LINGO4: variants seen among roughly 807,000 people sequenced by gnomAD.
LINGO4 encodes leucine rich repeat and Ig domain containing 4, also known as leucine-rich repeat and immunoglobulin-like domain-containing nogo receptor-interacting protein 4.
A neutral mutation model predicts 27.9 loss-of-function variants in LINGO4; 22 were observed. The ratio of observed to expected loss-of-function variants is 0.79; its 90% CI spans 0.56 to 1.13. The LOEUF (loss-of-function observed/expected upper bound fraction) is 1.13, where lower values mean the gene tolerates loss of function less well. LINGO4 is among the 50% of genes most tolerant of loss of function. The pLI is 0.00. For missense variants in LINGO4, 706 were observed against 739.4 expected, an observed-to-expected ratio of 0.95 and a Z score of 0.52; for synonymous variants, 306 against 325.8, an observed-to-expected ratio of 0.94 and a Z score of 0.65.
At position 151,800,838 on chromosome 1, in the gene LINGO4, G is replaced by C; in HGVS notation, c.*85C>G. ...AGGAGAGCGGTGCTGCTCGGGACTAGGTTCTGGTTCAAGCAGCCTTGGTTC... is the reference window on the plus strand; with the variant it reads ...AGGAGAGCGGTGCTGCTCGGGACTACGTTCTGGTTCAAGCAGCCTTGGTTC... On this transcript the variant is annotated 3_prime_UTR_variant, in exon 2 of 2. Coordinates refer to ENST00000368820, the MANE Select transcript of LINGO4 (RefSeq NM_001004432.4). 6 of 1,295,462 alleles carry C rather than the reference G, an allele frequency of 4.6e-6. No homozygotes were observed. Among genetic ancestry groups the C allele is most frequent in the South Asian group, 1.4e-5 (1 of 70,702 alleles). 80.2% of individuals were successfully genotyped at this position (1,295,462 alleles called of 1,614,324 possible).
chr1:151,804,483 G>T (rs1651233068), intron 1 of LINGO4, among the ~76,000 whole-genome samples: 1 of 152,336 alleles, frequency 6.6e-6, no homozygotes, highest in Admixed American at 6.5e-5. Context: ...CCACCTGACA[G>T]CTAGCTCTTC....
At chr1:151,803,696 T>C (rs1365119279) in intron 1 of LINGO4, among the ~76,000 whole-genome samples, 2 of 152,040 alleles carry the variant, frequency 1.3e-5, no homozygotes, top group Non-Finnish European at 2.9e-5. Context: ...CCAGGGAGCA[T>C]AGATAAGTGA....
Position 151,801,563 on chromosome 1 carries a change from GA to G in LINGO4, c.1141del (p.Ser381ProfsTer16). ...ATGGGGGCCAGCACAGGCAGGGGGGGACATGCCAAAGTCCAGGTGGCGGCGG... is the reference window on the plus strand; with the variant it reads ...ATGGGGGCCAGCACAGGCAGGGGGGGCATGCCAAAGTCCAGGTGGCGGCGG... ...RLRRHLDFGMSPPACAGPHHV... is the reference protein window; with the variant it reads ...RLRRHLDFGMXPPACAGPHHV... On this transcript the variant is annotated frameshift_variant, in exon 2 of 2. Coordinates refer to ENST00000368820, the MANE Select transcript of LINGO4 (RefSeq NM_001004432.4). LOFTEE classifies it high-confidence loss of function. This position sits in a 1 kb window ranked among gnomAD's most constrained non-coding sequence, Gnocchi z 5.7. The G allele has an allele frequency of 6.2e-7, 1 of 1,613,732 alleles. No homozygotes were observed. Among genetic ancestry groups the G allele is most frequent in the Non-Finnish European group, 8.5e-7 (1 of 1,180,002 alleles).
intron 1 of LINGO4, among the ~76,000 whole-genome samples, chr1:151,804,835 T>C (rs191619817): frequency 3.8e-4 from 58 of 152,182 alleles, no homozygotes; most frequent in Non-Finnish European, 7.3e-5. Flanking sequence ...TTTTCTTGTC[T>C]TTATGTGGCA....
Position 151,802,426 on chromosome 1 carries a change from G to T in LINGO4, c.279C>A (p.Tyr93Ter), listed in dbSNP as rs370144294. The T allele has an allele frequency of 2.5e-6, 4 of 1,614,104 alleles. No homozygotes were observed. The highest frequency in any genetic ancestry group is 3.4e-6 in the Non-Finnish European group (4 of 1,180,060). The change falls in exon 2 of 2, where the codon TAC becomes TAA. Residue 93 changes from tyrosine (Y) to a stop codon, truncating the protein, a stop_gained. Transcript: ENST00000368820. LOFTEE classifies it high-confidence loss of function. ...LSLLQELDLS[Y>*]NQLSTLEPGA... is the part of the protein sequence containing the mutation. ...CAGGCTCAAGGGTTGAGAGCTGGTTGTAGCTGAGGTCCAATTCCTGGAGCA... is the reference window on the plus strand; with the variant it reads ...CAGGCTCAAGGGTTGAGAGCTGGTTTTAGCTGAGGTCCAATTCCTGGAGCA...
At position 151,805,385 on chromosome 1, in the gene LINGO4, C is replaced by T; in HGVS notation, c.-169G>A. On this transcript the variant is annotated 5_prime_UTR_variant, in exon 1 of 2. Coordinates refer to ENST00000368820, the MANE Select transcript of LINGO4 (RefSeq NM_001004432.4). Reference sequence around the variant, plus strand: ...CGGCTGCTGCCTGCCGCTGCTGCTGCTGCTGTTGCTGCTGCGGCCGCTGCT... The same window carrying T: ...CGGCTGCTGCCTGCCGCTGCTGCTGTTGCTGTTGCTGCTGCGGCCGCTGCT... 5.1e-6 allele frequency: 1 copy of T among 195,364 alleles called. No individual in the cohort carries two copies. The highest frequency in any genetic ancestry group is 1.1e-5 in the Non-Finnish European group (1 of 93,542). 12.1% of individuals were successfully genotyped at this position (195,364 alleles called of 1,614,324 possible). A position where few individuals can be genotyped will look rare whatever the true frequency, so the allele number is the denominator to read the frequency against.
chr1:151,800,758 G>C lies in LINGO4; in HGVS notation c.*165C>G, dbSNP rs1390314616. 5 of 639,514 alleles carry C rather than the reference G, an allele frequency of 7.8e-6. No homozygotes were observed. Among genetic ancestry groups the C allele is most frequent in the Non-Finnish European group, 1.1e-5 (4 of 372,994 alleles). 39.6% of individuals were successfully genotyped at this position (639,514 alleles called of 1,614,324 possible). On this transcript the variant is annotated 3_prime_UTR_variant, in exon 2 of 2. Coordinates refer to ENST00000368820, the MANE Select transcript of LINGO4 (RefSeq NM_001004432.4). Reference sequence around the variant, plus strand: ...AAATGACAATGCTATCCTCAGACCGGAAAAGCTCAGGAAGCAGACTCTCCG... The same window carrying C: ...AAATGACAATGCTATCCTCAGACCGCAAAAGCTCAGGAAGCAGACTCTCCG...
At position 151,802,390 on chromosome 1, in the gene LINGO4, A is replaced by G. The variant is rs1338022813; in HGVS notation, c.315T>C (p.His105=). 3 of 1,614,052 alleles carry G rather than the reference A, an allele frequency of 1.9e-6. No individual in the cohort carries two copies. The highest frequency in any genetic ancestry group is 2.5e-6 in the Non-Finnish European group (3 of 1,179,994). The change falls in exon 2 of 2, where the codon CAT becomes CAC. Residue 105 remains histidine, a synonymous_variant. Coordinates refer to ENST00000368820, the MANE Select transcript of LINGO4 (RefSeq NM_001004432.4). ...TCAGGGTGAGTAGGCTTTGTAGGCC[A>G]TGGAAGGCCCCAGGCTCAAGGGTTG... ...QLSTLEPGAF[H]GLQSLLTLRL...
At position 151,802,448 on chromosome 1, in the gene LINGO4, A is replaced by C. The variant is rs1651182828; in HGVS notation, c.257T>G (p.Leu86Arg). The C allele has an allele frequency of 1.4e-5, 23 of 1,614,192 alleles. 1 individual carries two copies. The East Asian group carries it at 5.1e-4, about 36-fold the overall frequency. ...QQGMLSRLSL[L>R]QELDLSYNQL... ...GTTGTAGCTGAGGTCCAATTCCTGG[A>C]GCAGGCTCAGGCGGGAGAGCATTCC... The change falls in exon 2 of 2, where the codon CTC becomes CGC. Residue 86 changes from leucine (L) to arginine (R), a missense_variant. Transcript: ENST00000368820.
In LINGO4 at chr1:151,802,300, G is replaced by T. The variant is rs759008226; in HGVS notation, c.405C>A (p.Thr135=). 1 of 1,614,184 alleles carries T rather than the reference G, an allele frequency of 6.2e-7. No individual in the cohort carries two copies. The highest frequency in any genetic ancestry group is 1.3e-5 in the African/African-American group (1 of 75,024). The change falls in exon 2 of 2, where the codon ACC becomes ACA. Residue 135 remains threonine, a synonymous_variant. Transcript: ENST00000368820. ...PGVFSGLSAL[T]LLDLRLNQIV... ...TCTGGTTGAGGCGGAGGTCCAGCAG[G>T]GTCAGAGCAGAGAGGCCTGAGAAGA...
chr1:151,805,175 G>A (rs2293088), intron 1 of LINGO4, 55 bp downstream of exon 1: 44,041 of 152,970 alleles, frequency 0.29, 7,336 homozygotes, highest in Middle Eastern at 0.43. Context: ...CTGTCTCGGA[G>A]AATGTTATGG....
In LINGO4 at chr1:151,801,086, A is replaced by C. The variant is rs1651129489; in HGVS notation, c.1619T>G (p.Phe540Cys). Residue 540 changes from phenylalanine (F) to cysteine (C), a missense_variant, in exon 2 of 2, where the codon TTC (phenylalanine) becomes TGC (cysteine). Transcript: ENST00000368820. The surrounding 1 kb of genome is among the most constrained non-coding windows in gnomAD (Gnocchi z 5.7). ...GGTCACTGAGGTGAGGAAGGGGAGGAAGCCGACTGCCAGCACCATGGCCAC... is the reference window on the plus strand; with the variant it reads ...GGTCACTGAGGTGAGGAAGGGGAGGCAGCCGACTGCCAGCACCATGGCCAC... Reference protein sequence around the residue: ...RGVAMVLAVGFLPFLTSVTLC... With the variant: ...RGVAMVLAVGCLPFLTSVTLC... 1.9e-6 allele frequency: 3 copies of C among 1,614,192 alleles called. No homozygotes were observed. Among genetic ancestry groups the C allele is most frequent in the Non-Finnish European group, 2.5e-6 (3 of 1,180,038 alleles).
intron 1 of LINGO4, among the ~76,000 whole-genome samples, chr1:151,804,876 T>C (rs1196949252): frequency 6.6e-6 from 1 of 152,190 alleles, no homozygotes; most frequent in Non-Finnish European, 1.5e-5. Flanking sequence ...CTGGGTATCC[T>C]GTATCCTCTT....
chr1:151,802,109 G>A lies in LINGO4; in HGVS notation c.596C>T (p.Ala199Val). ...CACTAGTGCCGGGAGACGGGCAAGG[G>A]CTAGGCCAGGCACTGTGCTGAGGTT... ...RCNLSTVPGL[A>V]LARLPALVAL... The change falls in exon 2 of 2, where the codon GCC (alanine) becomes GTC (valine). Residue 199 changes from alanine (A) to valine (V), a missense_variant. Transcript: ENST00000368820. 1.2e-6 allele frequency: 2 copies of A among 1,613,944 alleles called. No individual in the cohort carries two copies. The highest frequency in any genetic ancestry group is 1.7e-6 in the Non-Finnish European group (2 of 1,180,032).
chr1:151,801,521 C>CTCT lies in LINGO4; in HGVS notation c.1181_1183dup (p.Lys394dup). 1.2e-6 allele frequency: 2 copies of CTCT among 1,613,984 alleles called. No individual in the cohort carries two copies. The highest frequency in any genetic ancestry group is 1.7e-6 in the Non-Finnish European group (2 of 1,179,934). On this transcript the variant is annotated inframe_insertion, in exon 2 of 2. Transcript: ENST00000368820. The surrounding 1 kb of genome is among the most constrained non-coding windows in gnomAD (Gnocchi z 5.7). The stretch of plus-strand genomic sequence containing the variant: ...CAGGATGTCTGAAAACTCCTTCAGG[C>CTCT]TCTTCCCCTGGACATGATGGGGGCC...
In LINGO4 at chr1:151,802,132, G is replaced by T. The variant is rs759819047; in HGVS notation, c.573C>A (p.Asn191Lys). The T allele has an allele frequency of 1.2e-6, 2 of 1,613,792 alleles. No individual in the cohort carries two copies. The highest frequency in any genetic ancestry group is 2.7e-5 in the African/African-American group (2 of 74,922). Residue 191 changes from asparagine (N) to lysine (K), a missense_variant, in exon 2 of 2, where the codon AAC (asparagine) becomes AAA (lysine). Asn to Lys is a moderately conservative substitution (Grantham distance 94). Coordinates refer to ENST00000368820, the MANE Select transcript of LINGO4 (RefSeq NM_001004432.4). ...KLSTLTLERCNLSTVPGLALA... is the reference protein window; with the variant it reads ...KLSTLTLERCKLSTVPGLALA... ...GGGCTAGGCCAGGCACTGTGCTGAG[G>T]TTGCAGCGCTCCAGGGTGAGGGTGC... is the stretch of plus-strand genomic sequence containing the variant.
rs1651121800 is a variant in LINGO4 at position 151,800,777 on chromosome 1, C to G, written c.*146G>C. On this transcript the variant is annotated 3_prime_UTR_variant, in exon 2 of 2. Transcript: ENST00000368820. ...AGACCGGAAAAGCTCAGGAAGCAGA[C>G]TCTCCGGCAGGAGGCACAACGCAGG... is the stretch of plus-strand genomic sequence containing the variant. 7.1e-6 allele frequency: 5 copies of G among 702,260 alleles called. No homozygotes were observed. The highest frequency in any genetic ancestry group is 9.5e-6 in the Non-Finnish European group (4 of 421,502). The allele number at this position is 702,260 out of a possible 1,614,324, so 43.5% of individuals were successfully genotyped here.
In LINGO4 at chr1:151,801,646, C is replaced by T; in HGVS notation, c.1059G>A (p.Leu353=). The part of the protein sequence containing the change: ...AFPSPDKLVT[L]RLSGNPLTCD... ...AGGTTAGGGGGTTGCCAGACAGCCT[C>T]AAGGTGACCAGTTTGTCTGGAGAAG... Residue 353 remains leucine, a synonymous_variant, in exon 2 of 2, where the codon TTG becomes TTA. Transcript: ENST00000368820. This position sits in a 1 kb window ranked among gnomAD's most constrained non-coding sequence, Gnocchi z 5.7. 6.2e-7 allele frequency: 1 copy of T among 1,614,110 alleles called. No individual in the cohort carries two copies. Among genetic ancestry groups the T allele is most frequent in the Non-Finnish European group, 8.5e-7 (1 of 1,180,006 alleles).
chr1:151,802,606 A>T lies in LINGO4; in HGVS notation c.99T>A (p.Ala33=). The change falls in exon 2 of 2, where the codon GCT becomes GCA. Residue 33 remains alanine, a synonymous_variant. Coordinates refer to ENST00000368820, the MANE Select transcript of LINGO4 (RefSeq NM_001004432.4). ...GGGGCTGGGAGGTGCAGTCACACAC[A>T]GCAGGGCAGCTGCCACCGCTCCCTC... The part of the protein sequence containing the change: ...LPGGSGGSCP[A]VCDCTSQPQA... The T allele has an allele frequency of 3.1e-6, 5 of 1,599,586 alleles. No homozygotes were observed. Among genetic ancestry groups the T allele is most frequent in the Non-Finnish European group, 4.3e-6 (5 of 1,172,740 alleles).
Sources: allele counts gnomAD v4.1 joint callset (sites outside exome capture counted in the v4.1 genomes callset), GRCh38; gene constraint gnomAD v4.1.1; non-coding constraint Gnocchi (gnomAD v3.1); transcripts MANE v1.5; gene names NCBI Gene and HGNC (gene_info 2026-07-23, HGNC 2026-07-21).